TEAD4: variants seen among roughly 807,000 people sequenced by gnomAD.
The protein encoded by TEAD4 is TEA domain transcription factor 4.
Under a neutral mutation model 52.4 loss-of-function variants are expected in TEAD4, and 36 were observed. The ratio of observed to expected loss-of-function variants is 0.69; its 90% CI spans 0.53 to 0.91. The LOEUF is 0.91. Among genes scored for constraint, TEAD4 ranks in the 40% least tolerant of loss-of-function variants. TEAD4 has a pLI of 0.00. For missense variants in TEAD4, 508 were observed against 583.9 expected, an observed-to-expected ratio of 0.87 and a Z score of 1.34; for synonymous variants, 220 against 231.0, an observed-to-expected ratio of 0.95 and a Z score of 0.43.
intron 3 of TEAD4, among the ~76,000 whole-genome samples, chr12:3,008,816 G>A (rs766484733): frequency 1.3e-5 from 2 of 152,144 alleles, no homozygotes; most frequent in African/African-American, 2.4e-5. Flanking sequence ...ATGAGCACAC[G>A]ATATCCTGTG....
At chr12:3,035,380 C>G (rs1253631999) in intron 10 of TEAD4, among the ~76,000 whole-genome samples, 1 of 152,232 alleles carries the variant, frequency 6.6e-6, no homozygotes, top group Admixed American at 6.5e-5. Flanking sequence ...GCTGGGCTTC[C>G]TGCCAGCGGC....
intron 2 of TEAD4, among the ~76,000 whole-genome samples, chr12:2,985,159 T>C (rs920203529): frequency 9.2e-5 from 14 of 151,662 alleles, no homozygotes; most frequent in African/African-American, 3.2e-4. Context: ...CCGAGGCGGG[T>C]GGATCACGAG....
At chr12:2,974,998 G>A (rs1257769942) in intron 2 of TEAD4, among the ~76,000 whole-genome samples, 1 of 151,990 alleles carries the variant, frequency 6.6e-6, no homozygotes. Flanking sequence ...CAATTGGTTT[G>A]GTTGAGTACT....
At chr12:2,977,890 C>T (rs1312224995) in intron 2 of TEAD4, among the ~76,000 whole-genome samples, 1 of 152,150 alleles carries the variant, frequency 6.6e-6, no homozygotes, top group East Asian at 1.9e-4. Context: ...CTTTTTTGGC[C>T]TCCGGCAGGC....
At chr12:3,012,985 C>T (rs1305576063) in intron 5 of TEAD4, among the ~76,000 whole-genome samples, 1 of 152,188 alleles carries the variant, frequency 6.6e-6, no homozygotes, top group Non-Finnish European at 1.5e-5. Flanking sequence ...CAGGATCTGT[C>T]TCTGTCACCC....
chr12:3,018,701 C>T lies in TEAD4; in HGVS notation c.527+113C>T, dbSNP rs1416189733. ...GGTGTGCTGGGGCCGCTGCTGGGGTCGGCCTTTCAGGATGGCTCTGAGCTC... is the reference window on the plus strand; with the variant it reads ...GGTGTGCTGGGGCCGCTGCTGGGGTTGGCCTTTCAGGATGGCTCTGAGCTC... On this transcript the variant is annotated intron_variant, in intron 7 of 12. Transcript: ENST00000359864. The T allele has an allele frequency of 8.6e-6, 12 of 1,402,730 alleles. 1 individual carries two copies. Among genetic ancestry groups the T allele is most frequent in the South Asian group, 2.4e-5 (2 of 84,074 alleles). 86.9% of individuals were successfully genotyped at this position (1,402,730 alleles called of 1,614,324 possible). A position where few individuals can be genotyped will look rare whatever the true frequency, so the allele number is the denominator to read the frequency against.
chr12:2,993,537 C>G (rs1336715617), intron 2 of TEAD4, among the ~76,000 whole-genome samples: 1 of 152,154 alleles, frequency 6.6e-6, no homozygotes, highest in Middle Eastern at 3.2e-3. Context: ...GTGGCGCAAT[C>G]ATGGCTAACT....
intron 10 of TEAD4, among the ~76,000 whole-genome samples, chr12:3,025,952 G>A (rs950982837): frequency 6.7e-6 from 1 of 149,294 alleles, no homozygotes; most frequent in Admixed American, 6.7e-5. Flanking sequence ...TTTTTCCTCT[G>A]GAAGTTGTAA....
intron 3 of TEAD4, 87 bp downstream of exon 3, chr12:2,995,079 A>G (rs12099824): frequency 6.6e-7 from 1 of 1,507,066 alleles, no homozygotes; most frequent in Non-Finnish European, 8.9e-7. Context: ...CGGGCCACAG[A>G]AGGGGATGAC....
At chr12:3,021,752 C>A in intron 9 of TEAD4, 92 bp from the exon 10 acceptor site, 1 of 1,406,926 alleles carries the variant, frequency 7.1e-7, no homozygotes, top group Non-Finnish European at 9.7e-7. Context: ...AAGCGGCTTG[C>A]ACCAGGTCAC....
chr12:2,977,981 C>T (rs983393182), intron 2 of TEAD4, among the ~76,000 whole-genome samples: 8 of 152,218 alleles, frequency 5.3e-5, no homozygotes, highest in Non-Finnish European at 1.2e-4. Context: ...CCAACCAAAT[C>T]CATTTCTCTG....
intron 10 of TEAD4, among the ~76,000 whole-genome samples, chr12:3,026,386 G>A (rs1565549856): frequency 6.6e-6 from 1 of 152,164 alleles, no homozygotes; most frequent in Non-Finnish European, 1.5e-5. Context: ...TCACATCAAG[G>A]AAGTCTGGAG....
intron 2 of TEAD4, among the ~76,000 whole-genome samples, chr12:2,973,849 T>G (rs550835809): frequency 4.1e-4 from 62 of 152,066 alleles, no homozygotes; most frequent in Middle Eastern, 3.2e-3. Flanking sequence ...CCTTCTGGAA[T>G]GGGAGGCGCG....
At chr12:2,975,588 A>G (rs2153953158) in intron 2 of TEAD4, among the ~76,000 whole-genome samples, 1 of 152,076 alleles carries the variant, frequency 6.6e-6, no homozygotes, top group East Asian at 1.9e-4. Flanking sequence ...GGGTTTCCCC[A>G]TGTTGGTCAG....
chr12:3,020,905 G>A (rs1591592225), intron 9 of TEAD4, 132 bp downstream of exon 9: 5 of 1,007,310 alleles, frequency 5.0e-6, no homozygotes, highest in African/African-American at 3.4e-5. Context: ...CTTCCCTTCT[G>A]CCCTTCCCCC....
intron 10 of TEAD4, among the ~76,000 whole-genome samples, chr12:3,036,116 G>C (rs1188921257): frequency 6.6e-6 from 1 of 152,180 alleles, no homozygotes; most frequent in Non-Finnish European, 1.5e-5. Context: ...TTCAGAGGCT[G>C]AGCATTGACA....
At chr12:3,023,625 A>T (rs1012451447) in intron 10 of TEAD4, among the ~76,000 whole-genome samples, 7 of 137,868 alleles carry the variant, frequency 5.1e-5, no homozygotes, top group Admixed American at 1.5e-4. Flanking sequence ...ATCTCTACTT[A>T]AAAAAAAAAA....
chr12:2,966,701 A>G (rs969444300), intron 2 of TEAD4, among the ~76,000 whole-genome samples: 8 of 151,074 alleles, frequency 5.3e-5, no homozygotes, highest in South Asian at 4.2e-4. Flanking sequence ...GTGAGCCACC[A>G]TGCCCGGCGT....
chr12:2,964,853 C>G (rs10848756), intron 2 of TEAD4, among the ~76,000 whole-genome samples: 90,474 of 151,818 alleles, frequency 0.6, 27,253 homozygotes, highest in Non-Finnish European at 0.63. Context: ...GTCTTGCCTC[C>G]ATCTTTGTAA....
Sources: gnomAD v4.1 joint callset for allele counts (sites outside exome capture counted in the v4.1 genomes callset) on GRCh38, gnomAD v4.1.1 for gene constraint, MANE v1.5 for transcripts, NCBI Gene and HGNC (gene_info 2026-07-23, HGNC 2026-07-21) for gene names.